KIAA1958: variants seen among roughly 807,000 people sequenced by gnomAD.
The protein encoded by KIAA1958 is uncharacterized protein KIAA1958.
A neutral mutation model predicts 47.2 loss-of-function variants in KIAA1958; 14 were observed. That is an observed-to-expected ratio of 0.30 (90% CI 0.20 to 0.46). The LOEUF (loss-of-function observed/expected upper bound fraction) is 0.46, where lower values mean the gene tolerates loss of function less well. Among genes scored for constraint, KIAA1958 ranks in the 20% least tolerant of loss-of-function variants. The probability of loss-of-function intolerance (pLI) is 1.00; values close to 1 mark genes in which losing one functional copy is unlikely to be tolerated. For synonymous variants in KIAA1958, 354 were observed against 353.3 expected (o/e 1.00, Z -0.02); for missense variants, 803 against 909.2 (o/e 0.88, Z 1.50).
In KIAA1958 at chr9:112,574,272, C is replaced by G; in HGVS notation, c.192C>G (p.Cys64Trp). 2 of 1,614,030 alleles carry G rather than the reference C, an allele frequency of 1.2e-6. No individual in the cohort carries two copies. Among genetic ancestry groups the G allele is most frequent in the Non-Finnish European group, 1.7e-6 (2 of 1,179,910 alleles). ...ATCACTGGCCACTAACAGCTACTTG[C>G]AGAGCTGGGTCCCAAGAGAGGGTCT... ...HAYHWPLTAT[C>W]RAGSQERVCF... Residue 64 changes from cysteine (C) to tryptophan (W), a missense_variant, in exon 2 of 4, where the codon TGC (cysteine) becomes TGG (tryptophan). By Grantham distance (215) the Cys-to-Trp change is radical (BLOSUM62 -2). This residue lies in a region of KIAA1958 where 42 missense variants were observed against 79.9 expected (regional missense o/e 0.53). Transcript: ENST00000337530.
At chr9:112,495,017 C>G (rs183289849) in intron 1 of KIAA1958, among the ~76,000 whole-genome samples, 70 of 151,716 alleles carry the variant, frequency 4.6e-4, no homozygotes, top group Non-Finnish European at 8.5e-4. Flanking sequence ...ATTCAAGGCT[C>G]AAGGGATTCA....
intron 1 of KIAA1958, among the ~76,000 whole-genome samples, chr9:112,551,963 C>A (rs1042256610): frequency 4.6e-5 from 7 of 152,190 alleles, no homozygotes; most frequent in Non-Finnish European, 1.0e-4. Context: ...TTATGTTCAT[C>A]CTACTTGTAT....
At chr9:112,575,993 A>C (rs1427766213) in intron 2 of KIAA1958, among the ~76,000 whole-genome samples, 2 of 152,210 alleles carry the variant, frequency 1.3e-5, no homozygotes, top group African/African-American at 2.4e-5. Context: ...TCATGACTCA[A>C]TTCTAGTAGG....
intron 2 of KIAA1958, among the ~76,000 whole-genome samples, chr9:112,601,170 C>A (rs192371905): frequency 2.6e-4 from 40 of 152,210 alleles, no homozygotes; most frequent in African/African-American, 9.6e-4. Context: ...TTAAGAATAA[C>A]TTTAGAGAAG....
chr9:112,585,322 G>A (rs1318499468), intron 2 of KIAA1958, among the ~76,000 whole-genome samples: 39 of 152,218 alleles, frequency 2.6e-4, no homozygotes, highest in Non-Finnish European at 5.9e-5. Flanking sequence ...GAAGATTTAT[G>A]AAGAGTGGTT....
At chr9:112,598,446 T>C (rs1157693799) in intron 2 of KIAA1958, among the ~76,000 whole-genome samples, 1 of 152,144 alleles carries the variant, frequency 6.6e-6, no homozygotes, top group East Asian at 1.9e-4. Context: ...AAACTGGGAA[T>C]CCAGAAAGCT....
chr9:112,654,169 T>G (rs1437493221), intron 3 of KIAA1958, among the ~76,000 whole-genome samples: 1 of 152,196 alleles, frequency 6.6e-6, no homozygotes, highest in Non-Finnish European at 1.5e-5. Flanking sequence ...GTAAACAGTT[T>G]GGAATTTATC....
intron 2 of KIAA1958, among the ~76,000 whole-genome samples, chr9:112,598,936 G>A (rs1784459486): frequency 1.3e-5 from 2 of 151,978 alleles, no homozygotes; most frequent in South Asian, 2.1e-4. Context: ...TCAAAAATTC[G>A]CTGGGTGCAG....
At chr9:112,521,961 CTTTA>C (rs146357893) in intron 1 of KIAA1958, among the ~76,000 whole-genome samples, 81 of 146,638 alleles carry the variant, frequency 5.5e-4, no homozygotes, top group African/African-American at 1.7e-3. Flanking sequence ...TTTTAAATAA[CTTTA>C]TTTATTTATT....
intron 1 of KIAA1958, among the ~76,000 whole-genome samples, chr9:112,554,583 T>G (rs934819918): frequency 3.3e-5 from 5 of 152,132 alleles, no homozygotes; most frequent in African/African-American, 1.2e-4. Context: ...TATCCATCAT[T>G]AAAAATTATG....
chr9:112,525,369 A>G (rs1188159395), intron 1 of KIAA1958, among the ~76,000 whole-genome samples: 1 of 152,200 alleles, frequency 6.6e-6, no homozygotes, highest in African/African-American at 2.4e-5. Context: ...TCAGGACCAT[A>G]AACACTAGAA....
intron 2 of KIAA1958, among the ~76,000 whole-genome samples, chr9:112,620,314 G>A (rs531154395): frequency 2.0e-5 from 3 of 152,270 alleles, no homozygotes; most frequent in South Asian, 2.1e-4. Context: ...TGTTGGACCC[G>A]TGAATTCTAT....
At chr9:112,644,624 T>A (rs1836947359) in intron 2 of KIAA1958, among the ~76,000 whole-genome samples, 2 of 152,270 alleles carry the variant, frequency 1.3e-5, no homozygotes, top group South Asian at 4.1e-4. Context: ...AAATTGGACA[T>A]GTTGAGACCT....
intron 1 of KIAA1958, among the ~76,000 whole-genome samples, chr9:112,559,462 T>A (rs1835292052): frequency 6.6e-6 from 1 of 152,220 alleles, no homozygotes; most frequent in Non-Finnish European, 1.5e-5. Context: ...CTCTGATTGC[T>A]GCTGAGAAGC....
intron 2 of KIAA1958, among the ~76,000 whole-genome samples, chr9:112,629,895 T>C (rs1175583547): frequency 6.6e-6 from 1 of 152,252 alleles, no homozygotes; most frequent in Non-Finnish European, 1.5e-5. Flanking sequence ...TATTTGGGCA[T>C]GATGACCAGT....
chr9:112,488,350 T>C (rs2132749425), intron 1 of KIAA1958, among the ~76,000 whole-genome samples: 1 of 152,314 alleles, frequency 6.6e-6, no homozygotes, highest in South Asian at 2.1e-4. Context: ...CTTATTTGAT[T>C]AGCTAGCTAA....
Position 112,624,961 on chromosome 9 carries a change from G to C in KIAA1958, c.1172-20689G>C, listed in dbSNP as rs1300814597. 2.0e-5 allele frequency among the ~76,000 whole-genome samples: 3 copies of C among 152,104 alleles called. No individual in the cohort carries two copies. In the East Asian group the frequency reaches 5.8e-4, roughly 29 times the overall value. On this transcript the variant is annotated intron_variant, in intron 2 of 3. Transcript: ENST00000337530. Reference sequence around the variant, plus strand: ...TGTAGGTAGGGAGTGGGGAGCGCAAGAAGATAGAAATAGCCAAGAGAACAC... The same window carrying C: ...TGTAGGTAGGGAGTGGGGAGCGCAACAAGATAGAAATAGCCAAGAGAACAC...
chr9:112,574,761 C>G lies in KIAA1958; in HGVS notation c.681C>G (p.Ala227=), dbSNP rs140207534. 1.2e-6 allele frequency: 2 copies of G among 1,613,950 alleles called. No individual in the cohort carries two copies. The highest frequency in any genetic ancestry group is 1.3e-5 in the African/African-American group (1 of 74,904). Residue 227 remains alanine, a synonymous_variant, in exon 2 of 4, where the codon GCC becomes GCG. Transcript: ENST00000337530. The part of the protein sequence containing the change: ...AELTGGVDGP[A]LSLTQMAKPK... ...TGACAGGAGGAGTAGATGGACCAGC[C>G]CTGTCCTTGACACAGATGGCAAAAC...
intron 1 of KIAA1958, among the ~76,000 whole-genome samples, chr9:112,491,301 T>C (rs1299305582): frequency 6.6e-6 from 1 of 152,228 alleles, no homozygotes; most frequent in Non-Finnish European, 1.5e-5. Flanking sequence ...CGTTAAAACG[T>C]TGAAGCAATA....
Sources: gnomAD v4.1 joint callset for allele counts (sites outside exome capture counted in the v4.1 genomes callset) on GRCh38, gnomAD v4.1.1 for gene constraint, gnomAD v4.1.1 regional missense constraint, MANE v1.5 for transcripts, NCBI Gene and HGNC (gene_info 2026-07-23, HGNC 2026-07-21) for gene names.